Variants in PTPRG observed in about 807,000 individuals in gnomAD.
PTPRG encodes the protein receptor-type tyrosine-protein phosphatase gamma.
A neutral mutation model predicts 165.3 loss-of-function variants in PTPRG; 102 were observed. The observed-to-expected ratio is 0.62, with a 90% CI of 0.53 to 0.73. The LOEUF (loss-of-function observed/expected upper bound fraction) is 0.73. PTPRG is among the 30% of genes least tolerant of loss of function. PTPRG has a pLI of 0.00. For missense variants in PTPRG, 1,866 were observed against 1,861.4 expected, an observed-to-expected ratio of 1.00 and a Z score of -0.05; for synonymous variants, 675 against 669.5, an observed-to-expected ratio of 1.01 and a Z score of -0.13.
chr3:62,240,107 C>T lies in PTPRG; in HGVS notation c.2376-3700C>T, dbSNP rs139325762. Among the ~76,000 whole-genome samples the T allele has an allele frequency of 1.3e-3, 194 of 152,208 alleles. No homozygotes were observed. Among genetic ancestry groups the T allele is most frequent in the Non-Finnish European group, 2.4e-3 (160 of 68,014 alleles). On this transcript the variant is annotated intron_variant, in intron 14 of 29. Transcript: ENST00000474889. The surrounding 1 kb of genome is among the most constrained non-coding windows in gnomAD (Gnocchi z 5.1). ...TGCCTCCATGAAATGGAAGATTAAG[C>T]AAACATTAATAAAGAGGATGCCAGT... is the stretch of plus-strand genomic sequence containing the variant.
At chr3:61,996,346 C>T (rs1442794746) in intron 3 of PTPRG, among the ~76,000 whole-genome samples, 1 of 152,104 alleles carries the variant, frequency 6.6e-6, no homozygotes, top group African/African-American at 2.4e-5. Flanking sequence ...GTAGCCTCCT[C>T]AATGTAATGA....
At chr3:61,687,398 T>C (rs1703667968) in intron 1 of PTPRG, among the ~76,000 whole-genome samples, 1 of 152,196 alleles carries the variant, frequency 6.6e-6, no homozygotes. Context: ...CACTGGTTAA[T>C]GATTCTTCCC....
intron 4 of PTPRG, among the ~76,000 whole-genome samples, chr3:62,014,205 C>A (rs1241467298): frequency 6.6e-6 from 1 of 152,114 alleles, no homozygotes; most frequent in Non-Finnish European, 1.5e-5. Flanking sequence ...CCCTTTAAAT[C>A]CCTGGCATAG....
intron 4 of PTPRG, among the ~76,000 whole-genome samples, chr3:62,015,865 G>C (rs1411802937): frequency 6.6e-6 from 1 of 152,014 alleles, no homozygotes; most frequent in Admixed American, 6.6e-5. Flanking sequence ...CAGGGCATGC[G>C]GTTTATACTT....
At chr3:61,904,328 C>G (rs544757186) in intron 2 of PTPRG, among the ~76,000 whole-genome samples, 1 of 152,222 alleles carries the variant, frequency 6.6e-6, no homozygotes, top group African/African-American at 2.4e-5. Context: ...AATTTTGTGC[C>G]AAGAGAAAGA....
At chr3:62,026,879 T>TAAAAA (rs200417191) in intron 4 of PTPRG, among the ~76,000 whole-genome samples, 2 of 94,692 alleles carry the variant, frequency 2.1e-5, no homozygotes, top group African/African-American at 9.6e-5. Context: ...GAGTGAGAAT[T>TAAAAA]AAAAAAAAAA....
intron 1 of PTPRG, among the ~76,000 whole-genome samples, chr3:61,746,355 G>A (rs530940002): frequency 3.3e-5 from 5 of 151,618 alleles, no homozygotes; most frequent in Non-Finnish European, 7.4e-5. Context: ...TACAGGTGCC[G>A]CCACTTCACC....
chr3:62,208,259 A>C (rs1233090584), intron 12 of PTPRG, among the ~76,000 whole-genome samples: 6 of 152,134 alleles, frequency 3.9e-5, no homozygotes, highest in African/African-American at 1.4e-4. Context: ...GAAATCCAGC[A>C]TGTGGTCCCA....
intron 1 of PTPRG, among the ~76,000 whole-genome samples, chr3:61,567,315 T>G (rs1413941026): frequency 6.6e-6 from 1 of 152,082 alleles, no homozygotes; most frequent in Non-Finnish European, 1.5e-5. Flanking sequence ...GCCTGCTCTG[T>G]GAGGGCTTCT....
intron 2 of PTPRG, among the ~76,000 whole-genome samples, chr3:61,959,162 A>G (rs888619907): frequency 1.3e-5 from 2 of 152,314 alleles, no homozygotes; most frequent in Non-Finnish European, 1.5e-5. Context: ...TAAGGCCTCA[A>G]TATGACTAGT....
intron 1 of PTPRG, among the ~76,000 whole-genome samples, chr3:61,602,955 T>C (rs1269975510): frequency 2.6e-5 from 4 of 152,220 alleles, no homozygotes; most frequent in Non-Finnish European, 5.9e-5. Flanking sequence ...CTCTGATCTG[T>C]GCTCCGGAGG....
chr3:61,783,616 T>A (rs897517714), intron 2 of PTPRG, among the ~76,000 whole-genome samples: 2 of 152,082 alleles, frequency 1.3e-5, no homozygotes, highest in African/African-American at 4.8e-5. Context: ...TGGTGTGTGC[T>A]GCGGGTTGAG....
chr3:61,575,226 G>A (rs2106783098), intron 1 of PTPRG, among the ~76,000 whole-genome samples: 1 of 152,270 alleles, frequency 6.6e-6, no homozygotes, highest in Admixed American at 6.5e-5. Flanking sequence ...GATGCGAAGT[G>A]GAGGTAAAAT....
chr3:61,963,593 G>T (rs746892269), intron 2 of PTPRG, among the ~76,000 whole-genome samples: 3 of 152,116 alleles, frequency 2.0e-5, no homozygotes, highest in Non-Finnish European at 2.9e-5. Flanking sequence ...ATCCACATTA[G>T]AATTTAAAGA....
chr3:62,074,352 C>CTTTTTTTTTTTTTTTTTTTT (rs200189646), intron 4 of PTPRG, among the ~76,000 whole-genome samples: 11 of 109,110 alleles, frequency 1.0e-4, no homozygotes, highest in Non-Finnish European at 1.6e-4. Flanking sequence ...TCTTTTCTTT[C>CTTTTTTTTTTTTTTTTTTTT]TTTTTTTTTT....
chr3:62,090,655 T>A (rs778614655), intron 5 of PTPRG, among the ~76,000 whole-genome samples: 2 of 152,190 alleles, frequency 1.3e-5, no homozygotes, highest in Admixed American at 6.5e-5. Context: ...ATATTAACAA[T>A]AGTAAAAATA....
intron 2 of PTPRG, among the ~76,000 whole-genome samples, chr3:61,926,739 G>A (rs1182430995): frequency 1.3e-5 from 2 of 151,954 alleles, no homozygotes; most frequent in Non-Finnish European, 1.5e-5. Context: ...ATTCCAGTTT[G>A]TAGTGATATC....
At chr3:61,650,036 C>T (rs1038898771) in intron 1 of PTPRG, among the ~76,000 whole-genome samples, 2 of 152,180 alleles carry the variant, frequency 1.3e-5, no homozygotes, top group Non-Finnish European at 2.9e-5. Flanking sequence ...TCTGGTTTCT[C>T]TCGATTTCTC....
intron 2 of PTPRG, among the ~76,000 whole-genome samples, chr3:61,947,067 T>C (rs2039779231): frequency 6.6e-6 from 1 of 152,196 alleles, no homozygotes; most frequent in Non-Finnish European, 1.5e-5. Context: ...GGCCCATCGT[T>C]CTTTTAACAA....
Sources: gnomAD v4.1 joint callset for allele counts (sites outside exome capture counted in the v4.1 genomes callset) on GRCh38, gnomAD v4.1.1 for gene constraint, Gnocchi (gnomAD v3.1) non-coding constraint, MANE v1.5 for transcripts, NCBI Gene and HGNC (gene_info 2026-07-23, HGNC 2026-07-21) for gene names.